FMNL2: variants seen among roughly 807,000 people sequenced by gnomAD.
FMNL2 encodes the protein formin-like protein 2.
Under a neutral mutation model 130.2 loss-of-function variants are expected in FMNL2, and 51 were observed. That is an observed-to-expected ratio of 0.39 (90% CI 0.31 to 0.49). The LOEUF is 0.49. FMNL2 is among the 20% of genes least tolerant of loss of function. The pLI is 0.85. For missense variants in FMNL2, 977 were observed against 1,316.2 expected, an observed-to-expected ratio of 0.74 and a Z score of 3.99; for synonymous variants, 465 against 467.1, an observed-to-expected ratio of 1.00 and a Z score of 0.06.
At chr2:152,438,631 T>G (rs1687902602) in intron 1 of FMNL2, among the ~76,000 whole-genome samples, 1 of 152,182 alleles carries the variant, frequency 6.6e-6, no homozygotes, top group African/African-American at 2.4e-5. Flanking sequence ...CTAGTCTTAA[T>G]TTTCCTGAGA....
rs118064139 is a variant in FMNL2, at chr2:152,567,385, G to A, written c.596+6350G>A. On this transcript the variant is annotated intron_variant, in intron 6 of 25. Coordinates refer to ENST00000288670, the MANE Select transcript of FMNL2 (RefSeq NM_052905.4). ...TCCTCTAATGGGACGTATAGACAGC[G>A]TTTCAATGCCTGATTTAAAAGTTCA... 1.2e-3 allele frequency among the ~76,000 whole-genome samples: 179 copies of A among 152,222 alleles called. 5 individuals carry two copies. The East Asian group carries it at 0.029, about 25-fold the overall frequency.
At chr2:152,632,194 T>C (rs1402372687) in intron 21 of FMNL2, 57 bp downstream of exon 21, 3 of 1,571,808 alleles carry the variant, frequency 1.9e-6, no homozygotes, top group African/African-American at 1.4e-5. Context: ...TTAATTGTGG[T>C]GGAGCCATTC....
chr2:152,593,883 G>GTA (rs1697595917), intron 9 of FMNL2, among the ~76,000 whole-genome samples: 1 of 106,340 alleles, frequency 9.4e-6, no homozygotes, highest in Admixed American at 9.6e-5. Context: ...GTGTGTGTGT[G>GTA]TGTGTGTGTG....
At chr2:152,335,983 G>C (rs2105700335) in intron 1 of FMNL2, among the ~76,000 whole-genome samples, 1 of 152,068 alleles carries the variant, frequency 6.6e-6, no homozygotes, top group African/African-American at 2.4e-5. Context: ...TGTCTGGCTG[G>C]AGAGGCACCT....
At chr2:152,589,957 A>ATATG (rs1697303141) in intron 9 of FMNL2, among the ~76,000 whole-genome samples, 1 of 9,340 alleles carries the variant, frequency 1.1e-4, no homozygotes, top group Non-Finnish European at 3.8e-4. Flanking sequence ...ATATATATAT[A>ATATG]TATATATATA....
intron 1 of FMNL2, among the ~76,000 whole-genome samples, chr2:152,414,073 A>T (rs945693566): frequency 7.9e-5 from 12 of 152,030 alleles, no homozygotes; most frequent in African/African-American, 2.7e-4. Context: ...GCTGTCTTAC[A>T]GTTTGTTTTC....
intron 9 of FMNL2, among the ~76,000 whole-genome samples, chr2:152,582,741 G>A (rs1253869275): frequency 6.6e-6 from 1 of 152,238 alleles, no homozygotes; most frequent in Non-Finnish European, 1.5e-5. Flanking sequence ...AAGAGAAACA[G>A]TATGTGCAGC....
At chr2:152,403,926 G>A (rs1685842801) in intron 1 of FMNL2, among the ~76,000 whole-genome samples, 1 of 152,134 alleles carries the variant, frequency 6.6e-6, no homozygotes, top group Admixed American at 6.5e-5. Flanking sequence ...AAATTAGTTG[G>A]ACATGGTGGT....
At chr2:152,449,602 C>T (rs956017236) in intron 1 of FMNL2, among the ~76,000 whole-genome samples, 2 of 152,040 alleles carry the variant, frequency 1.3e-5, no homozygotes, top group Admixed American at 1.3e-4. Flanking sequence ...CCTTTAGGTC[C>T]GTATCATTTG....
intron 7 of FMNL2, among the ~76,000 whole-genome samples, chr2:152,577,777 C>T (rs1315285543): frequency 1.3e-5 from 2 of 152,008 alleles, no homozygotes; most frequent in East Asian, 3.9e-4. Context: ...AAGAACAGTT[C>T]ATTGGGATGG....
chr2:152,551,471 C>T (rs1284479836), intron 4 of FMNL2, among the ~76,000 whole-genome samples: 1 of 152,220 alleles, frequency 6.6e-6, no homozygotes, highest in Non-Finnish European at 1.5e-5. Flanking sequence ...CAACCAATCA[C>T]TAGCATAAAC....
intron 6 of FMNL2, among the ~76,000 whole-genome samples, chr2:152,568,500 GT>G (rs1404700390): frequency 6.6e-6 from 1 of 152,002 alleles, no homozygotes; most frequent in East Asian, 1.9e-4. Flanking sequence ...CCATTTTAGT[GT>G]TTTCTAAGTG....
rs1689788999 is a variant in FMNL2 at position 152,470,323 on chromosome 2, A to G, written c.118-51620A>G. On this transcript the variant is annotated intron_variant, in intron 1 of 25. Coordinates refer to ENST00000288670, the MANE Select transcript of FMNL2 (RefSeq NM_052905.4). ...AGGTGATGTGTATGTCCCTTAGCAC[A>G]GGGCCTGTTCTCTAGTAATTGCTCA... Among the ~76,000 whole-genome samples, 4 of 152,178 alleles carry G rather than the reference A, an allele frequency of 2.6e-5. No individual in the cohort carries two copies. In the South Asian group the frequency reaches 8.3e-4, roughly 32 times the overall value.
intron 3 of FMNL2, among the ~76,000 whole-genome samples, chr2:152,547,011 T>A (rs778457103): frequency 6.6e-6 from 1 of 151,172 alleles, no homozygotes; most frequent in Non-Finnish European, 1.5e-5. Context: ...AGTGGCCCGA[T>A]TTCGGCTTGC....
At chr2:152,348,858 C>T (rs549880535) in intron 1 of FMNL2, among the ~76,000 whole-genome samples, 4 of 92,618 alleles carry the variant, frequency 4.3e-5, no homozygotes, top group Non-Finnish European at 7.8e-5. Flanking sequence ...GACGGAGTCT[C>T]GCTCTGTCGC....
chr2:152,375,875 C>G (rs377671279), intron 1 of FMNL2, among the ~76,000 whole-genome samples: 1 of 112,834 alleles, frequency 8.9e-6, no homozygotes, highest in Non-Finnish European at 1.7e-5. Context: ...CTCTCTCTCT[C>G]TCTATATATA....
intron 1 of FMNL2, among the ~76,000 whole-genome samples, chr2:152,484,087 G>A (rs1690682113): frequency 6.6e-6 from 1 of 152,204 alleles, no homozygotes; most frequent in Admixed American, 6.5e-5. Context: ...TCCTGAGGAA[G>A]TAGTTTCCAA....
chr2:152,583,282 A>G (rs1484861963), intron 9 of FMNL2, among the ~76,000 whole-genome samples: 1 of 152,234 alleles, frequency 6.6e-6, no homozygotes, highest in Non-Finnish European at 1.5e-5. Context: ...TGCATCTGAT[A>G]GAAGGTGATA....
At chr2:152,516,996 A>T (rs1436059550) in intron 1 of FMNL2, among the ~76,000 whole-genome samples, 1 of 5,144 alleles carries the variant, frequency 1.9e-4, no homozygotes, top group African/African-American at 2.4e-4. Flanking sequence ...TTGTACAATT[A>T]TGGATAAAAA....
Sources: allele counts gnomAD v4.1 joint callset (sites outside exome capture counted in the v4.1 genomes callset), GRCh38; gene constraint gnomAD v4.1.1; transcripts MANE v1.5; gene names NCBI Gene and HGNC (gene_info 2026-07-23, HGNC 2026-07-21).